Variants in NCOA3 observed in about 807,000 individuals in gnomAD.
NCOA3 encodes nuclear receptor coactivator 3.
In NCOA3, 51 loss-of-function variants were observed where a neutral mutation model predicts 158.8. The observed-to-expected ratio is 0.32, with a 90% confidence interval of 0.26 to 0.41. NCOA3 has a LOEUF of 0.41. Among genes scored for constraint, NCOA3 ranks in the 10% least tolerant of loss-of-function variants. NCOA3 has a pLI of 1.00. For missense variants in NCOA3, 1,510 were observed against 1,746.6 expected (o/e 0.86, Z 2.41); for synonymous variants, 537 against 592.4 (o/e 0.91, Z 1.36).
intron 1 of NCOA3, among the ~76,000 whole-genome samples, chr20:47,553,372 C>A (rs1026907856): frequency 1.3e-5 from 2 of 151,974 alleles, no homozygotes; most frequent in African/African-American, 4.8e-5. Context: ...GATCAAGATA[C>A]TTTTACACTC....
At position 47,652,438 on chromosome 20, in the gene NCOA3, C is replaced by T; in HGVS notation, c.3979C>T (p.Arg1327Ter). ...MGQQPDPAFGRVSSPPNAMMS... is the reference protein window; with the variant it reads ...MGQQPDPAFG ...ACAACAACCAGATCCAGCCTTTGGT[C>T]GAGTGTCTAGTCCTCCCAATGCAAT... Residue 1327 changes from arginine (R) to a stop codon, truncating the protein, a stop_gained, in exon 21 of 23, where the codon CGA becomes TGA. Transcript: ENST00000371998. LOFTEE classifies it high-confidence loss of function. 3.1e-6 allele frequency: 5 copies of T among 1,609,252 alleles called. No homozygotes were observed. Among genetic ancestry groups the T allele is most frequent in the African/African-American group, 1.3e-5 (1 of 74,962 alleles).
intron 1 of NCOA3, among the ~76,000 whole-genome samples, chr20:47,521,767 A>G (rs1054336615): frequency 1.3e-5 from 2 of 152,160 alleles, no homozygotes; most frequent in Admixed American, 1.3e-4. Context: ...GAAATTTAGA[A>G]CTCATATCCA....
intron 1 of NCOA3, among the ~76,000 whole-genome samples, chr20:47,556,572 TA>T (rs1183727106): frequency 6.6e-6 from 1 of 152,078 alleles, no homozygotes; most frequent in African/African-American, 2.4e-5. Context: ...ACCCAGGCTG[TA>T]GTACAGTGGT....
At chr20:47,532,477 T>C (rs1418233071) in intron 1 of NCOA3, among the ~76,000 whole-genome samples, 1 of 152,118 alleles carries the variant, frequency 6.6e-6, no homozygotes, top group Non-Finnish European at 1.5e-5. Context: ...TTTTAAAAAA[T>C]AGCATAATAG....
intron 17 of NCOA3, among the ~76,000 whole-genome samples, 186 bp from the exon 18 acceptor site, chr20:47,646,887 C>T (rs535931364): frequency 6.6e-6 from 1 of 152,336 alleles, no homozygotes; most frequent in East Asian, 1.9e-4. Flanking sequence ...ACTTCTTTTT[C>T]TGTCACCTGT....
chr20:47,633,415 C>G, intron 8 of NCOA3, 81 bp from the exon 9 acceptor site: 1 of 1,295,134 alleles, frequency 7.7e-7, no homozygotes, highest in Non-Finnish European at 1.1e-6. Context: ...ATTTTATTCT[C>G]CAGTGCTAAG....
At chr20:47,505,836 C>T (rs1439650653) in intron 1 of NCOA3, among the ~76,000 whole-genome samples, 1 of 127,864 alleles carries the variant, frequency 7.8e-6, no homozygotes, top group East Asian at 2.5e-4. Context: ...GAGTCTCACT[C>T]TGTTGCTCAG....
Position 47,593,234 on chromosome 20 carries a change from C to T in NCOA3, c.-20+9973C>T, listed in dbSNP as rs1056156224. 2.0e-5 allele frequency among the ~76,000 whole-genome samples: 3 copies of T among 151,442 alleles called. 1 individual carries two copies. The South Asian group carries it at 6.3e-4, about 32-fold the overall frequency. ...AGGCCTGAGCCACTGCACCCGGCCA[C>T]CACATACGTTTTAAAATCAAGACTT... On this transcript the variant is annotated intron_variant, in intron 2 of 22. Coordinates refer to ENST00000371998, the MANE Select transcript of NCOA3 (RefSeq NM_181659.3).
chr20:47,621,382 C>T (rs1357926405), intron 2 of NCOA3, among the ~76,000 whole-genome samples: 1 of 151,698 alleles, frequency 6.6e-6, no homozygotes, highest in Non-Finnish European at 1.5e-5. Context: ...AAATTTATGT[C>T]CTCCAGCATA....
intron 1 of NCOA3, among the ~76,000 whole-genome samples, chr20:47,529,525 G>A (rs1043798789): frequency 3.3e-5 from 5 of 152,130 alleles, no homozygotes; most frequent in African/African-American, 7.2e-5. Flanking sequence ...TGATTCTTGC[G>A]CCTCAGCCTC....
chr20:47,593,893 A>G (rs1046081260), intron 2 of NCOA3, among the ~76,000 whole-genome samples: 1 of 152,192 alleles, frequency 6.6e-6, no homozygotes, highest in African/African-American at 2.4e-5. Flanking sequence ...TAGTAACCGT[A>G]TATTTATATT....
intron 1 of NCOA3, among the ~76,000 whole-genome samples, chr20:47,577,760 A>G (rs2085394041): frequency 6.6e-6 from 1 of 152,252 alleles, no homozygotes; most frequent in African/African-American, 2.4e-5. Flanking sequence ...TCATTTCAAG[A>G]AGCAGGACTT....
intron 1 of NCOA3, among the ~76,000 whole-genome samples, chr20:47,539,457 G>A (rs1057437626): frequency 2.0e-5 from 3 of 152,232 alleles, no homozygotes; most frequent in African/African-American, 7.2e-5. Context: ...CAGACACATA[G>A]TAGGTACTCA....
chr20:47,533,309 A>G (rs1369891432), intron 1 of NCOA3, among the ~76,000 whole-genome samples: 1 of 136,588 alleles, frequency 7.3e-6, no homozygotes, highest in South Asian at 2.3e-4. Context: ...AAAAAAGATC[A>G]TTGATTTTTT....
intron 1 of NCOA3, among the ~76,000 whole-genome samples, chr20:47,533,985 G>A (rs118014102): frequency 0.011 from 1,665 of 152,002 alleles, 19 homozygotes; most frequent in Non-Finnish European, 0.016. Flanking sequence ...CTATTAGAAG[G>A]CTGTTAGAGT....
chr20:47,630,598 G>A (rs1336265091), intron 8 of NCOA3: 1 of 151,862 alleles, frequency 6.6e-6, no homozygotes, highest in Non-Finnish European at 1.5e-5. Context: ...GAGTTGCTGG[G>A]ACTACAGGTA....
At position 47,610,816 on chromosome 20, in the gene NCOA3, A is replaced by G. The variant is rs17198123; in HGVS notation, c.-19-11413A>G. Among the ~76,000 whole-genome samples the G allele has an allele frequency of 1.6e-3, 249 of 152,316 alleles. 5 individuals are homozygous for G. In the East Asian group the frequency reaches 0.04, roughly 24 times the overall value. ...TTATTAGCTTTACATTTATTTCTAC[A>G]GTCTTAATTTTTGTAACATCAGTGT... On this transcript the variant is annotated intron_variant, in intron 2 of 22. Coordinates refer to ENST00000371998, the MANE Select transcript of NCOA3 (RefSeq NM_181659.3).
intron 1 of NCOA3, among the ~76,000 whole-genome samples, chr20:47,511,338 C>G (rs147801066): frequency 0.026 from 3,777 of 146,082 alleles, 67 homozygotes; most frequent in Non-Finnish European, 0.039. Flanking sequence ...GCCTTGACCA[C>G]CAGGGCTCAA....
chr20:47,601,154 A>T (rs528110795), intron 2 of NCOA3, among the ~76,000 whole-genome samples: 14 of 152,346 alleles, frequency 9.2e-5, no homozygotes, highest in African/African-American at 3.4e-4. Context: ...ATGTCGTAAC[A>T]CCACGGTGGA....
Sources: allele counts gnomAD v4.1 joint callset (sites outside exome capture counted in the v4.1 genomes callset), GRCh38; gene constraint gnomAD v4.1.1; transcripts MANE v1.5; gene names NCBI Gene and HGNC (gene_info 2026-07-23, HGNC 2026-07-21).